Variants in STPG2 observed in about 807,000 individuals in gnomAD.
The protein encoded by STPG2 is sperm tail PG-rich repeat containing 2.
STPG2 carries 56 observed loss-of-function variants against 54.2 expected under a neutral mutation model. That is an observed-to-expected ratio of 1.03 (90% CI 0.83 to 1.29). The LOEUF (loss-of-function observed/expected upper bound fraction) is 1.29, where lower values mean the gene tolerates loss of function less well. Among genes scored for constraint, STPG2 ranks in the 50% most tolerant of loss-of-function variants. The pLI, the probability that STPG2 is intolerant of heterozygous loss-of-function variation, is 0.00. For missense variants in STPG2, 596 were observed against 544.9 expected (o/e 1.09, Z -0.93); for synonymous variants, 200 against 181.8 (o/e 1.10, Z -0.81).
intron 10 of STPG2, among the ~76,000 whole-genome samples, chr4:97,687,002 G>A (rs57463196): frequency 0.11 from 16,545 of 151,008 alleles, 2,622 homozygotes; most frequent in African/African-American, 0.35. Flanking sequence ...GTGCAGTGGC[G>A]CGATCTGGGC....
At chr4:97,834,738 G>C (rs1259045741) in intron 9 of STPG2, among the ~76,000 whole-genome samples, 1 of 152,042 alleles carries the variant, frequency 6.6e-6, no homozygotes, top group Non-Finnish European at 1.5e-5. Context: ...TTCAACCAGT[G>C]ATCTCTGGCT....
At chr4:97,908,344 T>G (rs1219120382) in intron 8 of STPG2, among the ~76,000 whole-genome samples, 2 of 151,492 alleles carry the variant, frequency 1.3e-5, no homozygotes, top group Non-Finnish European at 2.9e-5. Context: ...AGAATGGCAA[T>G]CATTAAAAAG....
intron 10 of STPG2, among the ~76,000 whole-genome samples, chr4:97,561,616 A>T (rs1732246157): frequency 6.6e-6 from 1 of 152,140 alleles, no homozygotes; most frequent in African/African-American, 2.4e-5. Flanking sequence ...TCTTGAATTA[A>T]TTTTTGTATA....
intron 9 of STPG2, among the ~76,000 whole-genome samples, chr4:97,778,659 T>C (rs557287923): frequency 2.0e-5 from 3 of 152,116 alleles, no homozygotes; most frequent in South Asian, 2.1e-4. Flanking sequence ...GACCCCCGAG[T>C]AGCCTATCTG....
chr4:98,125,001 T>C (rs1269072473), intron 3 of STPG2, among the ~76,000 whole-genome samples: 1 of 152,246 alleles, frequency 6.6e-6, no homozygotes, highest in Non-Finnish European at 1.5e-5. Context: ...TGTGAAGTTT[T>C]CATGTTGTGT....
intron 4 of STPG2, among the ~76,000 whole-genome samples, chr4:97,448,164 TC>T (rs1326415196): frequency 1.3e-5 from 2 of 152,274 alleles, no homozygotes; most frequent in Middle Eastern, 3.4e-3. Context: ...CCAGTGCTTG[TC>T]CCCATATTGT....
At chr4:97,848,383 A>G (rs891995023) in intron 8 of STPG2, among the ~76,000 whole-genome samples, 8 of 152,212 alleles carry the variant, frequency 5.3e-5, no homozygotes, top group African/African-American at 1.9e-4. Context: ...GAAGGAAGAC[A>G]AAATTTCCTC....
At chr4:98,068,077 T>C (rs990775987) in intron 5 of STPG2, among the ~76,000 whole-genome samples, 4 of 152,314 alleles carry the variant, frequency 2.6e-5, no homozygotes, top group East Asian at 3.9e-4. Flanking sequence ...ATCTTTTGTA[T>C]ACCTCCTTTT....
intron 8 of STPG2, among the ~76,000 whole-genome samples, chr4:97,907,887 A>C (rs12290786): frequency 6.6e-6 from 1 of 152,218 alleles, no homozygotes; most frequent in Non-Finnish European, 1.5e-5. Flanking sequence ...TTAAAGACTT[A>C]AACGTTAGAC....
intron 5 of STPG2, among the ~76,000 whole-genome samples, chr4:98,087,294 G>GT (rs2110122434): frequency 6.6e-6 from 1 of 152,100 alleles, no homozygotes; most frequent in South Asian, 2.1e-4. Context: ...AAAACTTCAC[G>GT]TTTTCCTGCT....
chr4:97,802,809 C>T (rs189260864), intron 9 of STPG2, among the ~76,000 whole-genome samples: 68 of 152,256 alleles, frequency 4.5e-4, no homozygotes, highest in African/African-American at 1.6e-3. Context: ...CATATTGACA[C>T]ACACATGCAC....
chr4:97,519,111 G>A (rs979526778), intron 4 of STPG2, among the ~76,000 whole-genome samples: 9 of 151,930 alleles, frequency 5.9e-5, no homozygotes, highest in East Asian at 1.9e-4. Flanking sequence ...ATTTAAGACC[G>A]AATAATTTAA....
intron 9 of STPG2, among the ~76,000 whole-genome samples, chr4:97,815,092 C>T (rs764841951): frequency 6.6e-6 from 1 of 152,142 alleles, no homozygotes; most frequent in African/African-American, 2.4e-5. Flanking sequence ...TGGGTCATAT[C>T]ACCAGGTAAA....
At chr4:97,519,467 G>C (rs1731138408) in intron 4 of STPG2, among the ~76,000 whole-genome samples, 1 of 151,968 alleles carries the variant, frequency 6.6e-6, no homozygotes, top group South Asian at 2.1e-4. Flanking sequence ...CAGAACTCCA[G>C]CAAGGTATGG....
chr4:97,868,259 T>G (rs866628053), intron 8 of STPG2, among the ~76,000 whole-genome samples: 1 of 152,054 alleles, frequency 6.6e-6, no homozygotes, highest in East Asian at 1.9e-4. Flanking sequence ...CTGTACCATC[T>G]GAATCAAATT....
At chr4:97,979,581 C>A (rs1293301766) in intron 6 of STPG2, among the ~76,000 whole-genome samples, 1 of 152,140 alleles carries the variant, frequency 6.6e-6, no homozygotes, top group East Asian at 1.9e-4. Context: ...TGCACTTATA[C>A]CTGACTTAGA....
At chr4:97,933,914 G>C (rs1732646427) in intron 8 of STPG2, among the ~76,000 whole-genome samples, 1 of 152,174 alleles carries the variant, frequency 6.6e-6, no homozygotes, top group African/African-American at 2.4e-5. Flanking sequence ...GTCAATGGTA[G>C]TTTGATGGGA....
intron 5 of STPG2, among the ~76,000 whole-genome samples, chr4:98,087,565 T>C (rs783940): frequency 0.26 from 38,267 of 146,190 alleles, 4,796 homozygotes; most frequent in South Asian, 0.33. Flanking sequence ...TTTTTCTTTT[T>C]TTTTTTTTTT....
intron 5 of STPG2, among the ~76,000 whole-genome samples, chr4:98,007,367 A>G (rs1735607715): frequency 6.6e-6 from 1 of 152,176 alleles, no homozygotes; most frequent in Non-Finnish European, 1.5e-5. Context: ...ATAATCAAAA[A>G]ATTCATAGAT....
Sources: gnomAD v4.1 joint callset for allele counts (sites outside exome capture counted in the v4.1 genomes callset) on GRCh38, gnomAD v4.1.1 for gene constraint, MANE v1.5 for transcripts, NCBI Gene and HGNC (gene_info 2026-07-23, HGNC 2026-07-21) for gene names.